The following ADSS1 variants were observed in gnomAD, a reference collection of about 807,000 sequenced individuals.
ADSS1 encodes the protein adenylosuccinate synthetase isozyme 1.
In ADSS1, 57 loss-of-function variants were observed where a neutral mutation model predicts 59.1. That is an observed-to-expected ratio of 0.97 (90% confidence interval 0.78 to 1.20). ADSS1 has a LOEUF of 1.20. Among genes scored for constraint, ADSS1 ranks in the 50% most tolerant of loss-of-function variants. ADSS1 has a pLI of 0.00. For missense variants in ADSS1, 603 were observed against 610.3 expected (o/e 0.99, Z 0.13); for synonymous variants, 247 against 249.4 (o/e 0.99, Z 0.09).
chr14:104,736,227 C>T (rs1891117137), intron 2 of ADSS1, among the ~76,000 whole-genome samples: 2 of 152,194 alleles, frequency 1.3e-5, no homozygotes, highest in African/African-American at 4.8e-5. Flanking sequence ...GCAGGGAGGC[C>T]CTAAGCAGTG....
chr14:104,727,550 T>C (rs1890751119), intron 1 of ADSS1, among the ~76,000 whole-genome samples: 2 of 152,138 alleles, frequency 1.3e-5, no homozygotes, highest in African/African-American at 4.8e-5. Context: ...TGGGGTCCTG[T>C]GTTCCCTCTC....
chr14:104,736,890 A>ATATATATATG, intron 2 of ADSS1, among the ~76,000 whole-genome samples: 1 of 47,784 alleles, frequency 2.1e-5, no homozygotes, highest in South Asian at 1.0e-3. Context: ...TGATATATAT[A>ATATATATATG]TATATATATA....
At chr14:104,730,406 C>T (rs897581385) in intron 1 of ADSS1, among the ~76,000 whole-genome samples, 9 of 152,094 alleles carry the variant, frequency 5.9e-5, no homozygotes, top group African/African-American at 2.2e-4. Flanking sequence ...GGTAGAATAG[C>T]TTGAACTCAG....
At chr14:104,738,954 G>T (rs1891226457) in intron 3 of ADSS1, among the ~76,000 whole-genome samples, 1 of 152,198 alleles carries the variant, frequency 6.6e-6, no homozygotes. Flanking sequence ...GTGATTCTGG[G>T]GACATGGGCA....
At chr14:104,737,397 C>CA (rs1891174375) in intron 2 of ADSS1, 1 of 152,150 alleles carries the variant, frequency 6.6e-6, no homozygotes, top group Non-Finnish European at 1.5e-5. Context: ...TCCTCTATGT[C>CA]TTTTCATGGC....
chr14:104,737,349 G>A (rs529858045), intron 2 of ADSS1: 12 of 152,166 alleles, frequency 7.9e-5, no homozygotes, highest in African/African-American at 2.7e-4. Context: ...TCGCCTTTTC[G>A]GATTGGCTTC....
At position 104,724,250 on chromosome 14, in the gene ADSS1, C is replaced by T; in HGVS notation, c.-21C>T. On this transcript the variant is annotated 5_prime_UTR_variant, in exon 1 of 13. Transcript: ENST00000330877. The stretch of plus-strand genomic sequence containing the variant: ...CGGCGGGCTCCTGGCCGGGCCAGCG[C>T]AGCGGAAGAGCCAAGCCAGCATGTC... 8.2e-7 allele frequency: 1 copy of T among 1,225,038 alleles called. No individual in the cohort carries two copies. Among genetic ancestry groups the T allele is most frequent in the Non-Finnish European group, 1.0e-6 (1 of 982,868 alleles). The allele number at this position is 1,225,038 out of a possible 1,614,324, so 75.9% of individuals were successfully genotyped here.
In ADSS1 at chr14:104,738,477, G is replaced by A. The variant is rs373050445; in HGVS notation, c.358+39G>A. Reference sequence around the variant, plus strand: ...CCTGCAGACTTGCCCTGTCCCAGACGCGGTGCCCTGAGCGGTTGTTGGCTG... The same window carrying A: ...CCTGCAGACTTGCCCTGTCCCAGACACGGTGCCCTGAGCGGTTGTTGGCTG... On this transcript the variant is annotated intron_variant, in intron 3 of 12. Transcript: ENST00000330877. 3.0e-4 allele frequency: 482 copies of A among 1,606,516 alleles called. 1 individual carries two copies. The highest frequency in any genetic ancestry group is 3.4e-4 in the Non-Finnish European group (399 of 1,174,858).
chr14:104,739,231 G>T (rs1891240723), intron 3 of ADSS1, 97 bp from the exon 4 acceptor site: 3 of 1,341,540 alleles, frequency 2.2e-6, no homozygotes, highest in Non-Finnish European at 3.1e-6. Context: ...GCCTTACCTG[G>T]ATGGGAGCCG....
chr14:104,728,926 C>A (rs953950168), intron 1 of ADSS1, among the ~76,000 whole-genome samples: 1 of 152,210 alleles, frequency 6.6e-6, no homozygotes. Context: ...TAGCATGGGC[C>A]TGGCACAGCT....
intron 2 of ADSS1, chr14:104,737,699 C>G (rs1237984537): frequency 6.6e-6 from 1 of 152,300 alleles, no homozygotes; most frequent in Non-Finnish European, 1.5e-5. Context: ...CTCTCCCAGC[C>G]CCTGGCGCCT....
intron 3 of ADSS1, 120 bp downstream of exon 3, chr14:104,738,558 A>G: frequency 1.7e-6 from 2 of 1,150,182 alleles, no homozygotes; most frequent in South Asian, 1.4e-5. Context: ...GGTTCCCAAC[A>G]TAGCTGGCCC....
In ADSS1 at chr14:104,724,229, G is replaced by A. The variant is rs920736921; in HGVS notation, c.-42G>A. The A allele has an allele frequency of 1.5e-5, 18 of 1,220,092 alleles. No individual in the cohort carries two copies. Among genetic ancestry groups the A allele is most frequent in the Admixed American group, 4.3e-5 (1 of 23,228 alleles). 75.6% of individuals were successfully genotyped at this position (1,220,092 alleles called of 1,614,324 possible). A position where few individuals can be genotyped will look rare whatever the true frequency, so the allele number is the denominator to read the frequency against. On this transcript the variant is annotated 5_prime_UTR_variant, in exon 1 of 13. Transcript: ENST00000330877. The stretch of plus-strand genomic sequence containing the variant: ...TAATGGCGCGGACGCCGGCGGCGGC[G>A]GGCTCCTGGCCGGGCCAGCGCAGCG...
intron 1 of ADSS1, among the ~76,000 whole-genome samples, chr14:104,731,174 C>A (rs1890919423): frequency 6.6e-6 from 1 of 152,214 alleles, no homozygotes; most frequent in Non-Finnish European, 1.5e-5. Flanking sequence ...CACCATCCAT[C>A]TTCATATCGT....
chr14:104,743,420 T>G (rs1891445375), intron 10 of ADSS1: 1 of 550,968 alleles, frequency 1.8e-6, no homozygotes, highest in East Asian at 3.4e-5. Context: ...CCAGGGCTGA[T>G]GCCGTGAAGG....
rs529863140 is a variant in ADSS1, at chr14:104,742,091, G to T, written c.948+89G>T. 18 of 1,533,076 alleles carry T rather than the reference G, an allele frequency of 1.2e-5. No homozygotes were observed. In the East Asian group the frequency reaches 3.6e-4, roughly 31 times the overall value. The allele number at this position is 1,533,076 out of a possible 1,614,324, so 95.0% of individuals were successfully genotyped here. ...TGGGGTGAGCAGTGCCAGGGTGGAG[G>T]CTCTGCGGACCTTGCCAGTGCCATC... On this transcript the variant is annotated intron_variant, in intron 9 of 12. Transcript: ENST00000330877.
At chr14:104,732,427 A>G (rs1438758698) in intron 1 of ADSS1, among the ~76,000 whole-genome samples, 3 of 152,204 alleles carry the variant, frequency 2.0e-5, no homozygotes, top group Non-Finnish European at 4.4e-5. Flanking sequence ...CTCTGGGGCC[A>G]TCGTCCTGGG....
At chr14:104,739,625 TC>T (rs755511291) in intron 4 of ADSS1, 124 bp from the exon 5 acceptor site, 1 of 1,134,264 alleles carries the variant, frequency 8.8e-7, no homozygotes, top group South Asian at 1.4e-5. Context: ...CAGTTTGTCC[TC>T]TTTGAAATCT....
intron 1 of ADSS1, among the ~76,000 whole-genome samples, chr14:104,731,982 G>C (rs1246118604): frequency 1.3e-5 from 2 of 152,218 alleles, no homozygotes; most frequent in Non-Finnish European, 2.9e-5. Flanking sequence ...TGTGCAAGAG[G>C]AGGAAGCCCT....
Sources: gnomAD v4.1 joint callset for allele counts (sites outside exome capture counted in the v4.1 genomes callset) on GRCh38, gnomAD v4.1.1 for gene constraint, MANE v1.5 for transcripts, NCBI Gene and HGNC (gene_info 2026-07-23, HGNC 2026-07-21) for gene names.